Variants in LTBP1 observed in about 807,000 individuals in gnomAD.
LTBP1 encodes the protein latent transforming growth factor beta binding protein 1.
Under a neutral mutation model 207.6 loss-of-function variants are expected in LTBP1, and 129 were observed. That is an observed-to-expected ratio of 0.62 (90% CI 0.54 to 0.72). LTBP1 has a LOEUF of 0.72. LTBP1 is among the 30% of genes least tolerant of loss of function. The pLI, the probability that LTBP1 is intolerant of heterozygous loss-of-function variation, is 0.00. For synonymous variants in LTBP1, 963 were observed against 833.7 expected, an observed-to-expected ratio of 1.16 and a Z score of -2.67; for missense variants, 2,281 against 2,217.2, an observed-to-expected ratio of 1.03 and a Z score of -0.58.
chr2:33,139,935 T>C (rs138240803), intron 5 of LTBP1, among the ~76,000 whole-genome samples: 2 of 152,364 alleles, frequency 1.3e-5, no homozygotes, highest in African/African-American at 2.4e-5. Context: ...ATTTGGATTT[T>C]ACTCTTTGAG....
intron 26 of LTBP1, among the ~76,000 whole-genome samples, chr2:33,351,472 A>C (rs1289001882): frequency 6.6e-6 from 1 of 152,206 alleles, no homozygotes; most frequent in African/African-American, 2.4e-5. Context: ...AATCATAGAA[A>C]ATTGGCAAAT....
rs2090804469 is a variant in LTBP1, at chr2:33,217,553, G to A, written c.1703G>A (p.Cys568Tyr). ...RCFQETIGSQ[C>Y]GKALPGLSKQ... ...ATATTTCACACCTAATCATTGCAGT[G>A]TGGCAAAGCGCTCCCTGGCCTTTCA... The change falls in exon 8 of 34, where the codon TGT becomes TAT. Residue 568 changes from cysteine to tyrosine, a missense_variant and splice_region_variant. Around this residue, in one of 3 missense-constraint regions of LTBP1, gnomAD observed 1,671 missense variants for 1,634.8 expected, o/e 1.02. Coordinates refer to ENST00000404816, the MANE Select transcript of LTBP1 (RefSeq NM_206943.4). 1 of 1,612,356 alleles carries A rather than the reference G, an allele frequency of 6.2e-7. No individual in the cohort carries two copies. The highest frequency in any genetic ancestry group is 1.3e-5 in the African/African-American group (1 of 74,894).
At chr2:33,303,108 A>G (rs1317917992) in intron 22 of LTBP1, among the ~76,000 whole-genome samples, 1 of 152,100 alleles carries the variant, frequency 6.6e-6, no homozygotes, top group African/African-American at 2.4e-5. Context: ...TGGGTAAATG[A>G]TAATGATTCT....
In LTBP1 at chr2:33,239,681, T is replaced by A. The variant is rs1416975222; in HGVS notation, c.1877-3981T>A. Among the ~76,000 whole-genome samples, 4 of 149,936 alleles carry A rather than the reference T, an allele frequency of 2.7e-5. No homozygotes were observed. In the East Asian group the frequency reaches 7.8e-4, roughly 29 times the overall value. On this transcript the variant is annotated intron_variant, in intron 9 of 33. Coordinates refer to ENST00000404816, the MANE Select transcript of LTBP1 (RefSeq NM_206943.4). ...GCCGAGGTGGGCGGATCACTTGAGG[T>A]CAGGAGTTCAAGACCAGCCTGGCCA... is the stretch of plus-strand genomic sequence containing the variant.
At chr2:33,025,787 T>C (rs1446663320) in intron 3 of LTBP1, among the ~76,000 whole-genome samples, 1 of 152,180 alleles carries the variant, frequency 6.6e-6, no homozygotes, top group Non-Finnish European at 1.5e-5. Flanking sequence ...TAAGATTGGC[T>C]TGAGGTGGTA....
chr2:33,050,590 T>TA (rs1385343769), intron 3 of LTBP1, among the ~76,000 whole-genome samples: 7 of 152,148 alleles, frequency 4.6e-5, no homozygotes, highest in African/African-American at 1.7e-4. Context: ...TAAAGCAAAG[T>TA]AGTACTTCAA....
In LTBP1 at chr2:33,252,829, C is replaced by A. The variant is rs865873561; in HGVS notation, c.2152C>A (p.Pro718Thr). The change falls in exon 11 of 34, where the codon CCC (proline) becomes ACC (threonine). Residue 718 changes from proline (P) to threonine (T), a missense_variant. By Grantham distance (38) the Pro-to-Thr change is conservative (BLOSUM62 -1). Coordinates refer to ENST00000404816, the MANE Select transcript of LTBP1 (RefSeq NM_206943.4). Reference sequence around the variant, plus strand: ...CTGGGGCCCACACTGTGAGAAATGTCCCCTTCCAGGCACAGGTAAGACATG... The same window carrying A: ...CTGGGGCCCACACTGTGAGAAATGTACCCTTCCAGGCACAGGTAAGACATG... ...KAWGPHCEKC[P>T]LPGTAAFKEI... 5 of 1,606,868 alleles carry A rather than the reference C, an allele frequency of 3.1e-6. No homozygotes were observed. The East Asian group carries it at 1.1e-4, about 36-fold the overall frequency.
At chr2:33,074,912 A>C (rs1461479346) in intron 3 of LTBP1, among the ~76,000 whole-genome samples, 1 of 149,096 alleles carries the variant, frequency 6.7e-6, no homozygotes, top group East Asian at 2.0e-4. Flanking sequence ...TTAGATGGGC[A>C]TGATGGCACC....
intron 22 of LTBP1, among the ~76,000 whole-genome samples, chr2:33,303,007 A>C (rs904369410): frequency 6.6e-6 from 1 of 151,934 alleles, no homozygotes; most frequent in African/African-American, 2.4e-5. Context: ...ACACACGCAC[A>C]CACACCCCTA....
chr2:33,277,655 G>A (rs2093454373), intron 18 of LTBP1, among the ~76,000 whole-genome samples: 1 of 151,570 alleles, frequency 6.6e-6, no homozygotes, highest in Admixed American at 6.6e-5. Context: ...CTCTGTAGTT[G>A]CGGGGAGTGC....
intron 2 of LTBP1, among the ~76,000 whole-genome samples, chr2:33,004,535 C>T (rs994854742): frequency 3.3e-5 from 5 of 151,454 alleles, no homozygotes; most frequent in African/African-American, 1.2e-4. Context: ...TGGCTCACAC[C>T]TATAATCTCA....
intron 2 of LTBP1, among the ~76,000 whole-genome samples, chr2:32,956,259 C>G (rs1325216605): frequency 6.6e-6 from 1 of 152,172 alleles, no homozygotes; most frequent in Non-Finnish European, 1.5e-5. Flanking sequence ...AAAGCTTTCT[C>G]TGTAGCATAC....
chr2:33,367,865 A>G (rs1197822584), intron 31 of LTBP1, among the ~76,000 whole-genome samples: 1 of 152,170 alleles, frequency 6.6e-6, no homozygotes, highest in Non-Finnish European at 1.5e-5. Flanking sequence ...AGCACAAGAG[A>G]TGGCTAAATA....
chr2:33,160,732 C>A (rs1334504494), intron 5 of LTBP1, among the ~76,000 whole-genome samples: 1 of 152,164 alleles, frequency 6.6e-6, no homozygotes, highest in Non-Finnish European at 1.5e-5. Context: ...TATTACTGGT[C>A]ATTGTGGTTC....
At chr2:33,029,634 T>TCAG (rs1216855988) in intron 3 of LTBP1, among the ~76,000 whole-genome samples, 1 of 152,228 alleles carries the variant, frequency 6.6e-6, no homozygotes, top group African/African-American at 2.4e-5. Context: ...CCACAGTCAC[T>TCAG]CAGCAGGGCT....
intron 31 of LTBP1, 54 bp downstream of exon 31, chr2:33,365,557 C>T (rs2094975076): frequency 1.3e-6 from 2 of 1,551,778 alleles, no homozygotes; most frequent in Non-Finnish European, 1.8e-6. Context: ...AAGTTCATCT[C>T]ACCTCCTTTG....
chr2:33,362,429 A>T (rs76108377), intron 28 of LTBP1, among the ~76,000 whole-genome samples: 3,862 of 152,324 alleles, frequency 0.025, 81 homozygotes, highest in Middle Eastern at 0.099. Flanking sequence ...TCACAAATAT[A>T]CATTACTATG....
chr2:33,175,100 A>G (rs539552063), intron 5 of LTBP1, among the ~76,000 whole-genome samples: 3 of 152,268 alleles, frequency 2.0e-5, no homozygotes, highest in African/African-American at 4.8e-5. Context: ...GGCATGGGCA[A>G]GGACTTCATG....
rs770536450 is a variant in LTBP1 at position 33,398,468 on chromosome 2, G to A, written c.5089G>A (p.Val1697Met). The A allele has an allele frequency of 5.0e-6, 8 of 1,614,204 alleles. No homozygotes were observed. The highest frequency in any genetic ancestry group is 2.2e-5 in the East Asian group (1 of 44,894). ...CAAGTGTTTGTGTCTGCCAGGCTAC[G>A]TGCCTTCTGACAAGCCAAACTACTG... ...SYKCLCLPGY[V>M]PSDKPNYCTP... The change falls in exon 34 of 34, where the codon GTG (valine) becomes ATG (methionine). Residue 1697 changes from valine to methionine, a missense_variant. Transcript: ENST00000404816.
Sources: allele counts gnomAD v4.1 joint callset (sites outside exome capture counted in the v4.1 genomes callset), GRCh38; gene constraint gnomAD v4.1.1; regional missense constraint gnomAD v4.1.1; transcripts MANE v1.5; gene names NCBI Gene and HGNC (gene_info 2026-07-23, HGNC 2026-07-21).